CPB1: variants seen among roughly 807,000 people sequenced by gnomAD.
The protein encoded by CPB1 is carboxypeptidase B.
Under a neutral mutation model 51.4 loss-of-function variants are expected in CPB1, and 53 were observed. That is an observed-to-expected ratio of 1.03 (90% confidence interval 0.83 to 1.30). The LOEUF is 1.30. Ranked by LOEUF, CPB1 falls within the 50% of genes most tolerant of loss-of-function variation. The pLI is 0.00. For synonymous variants in CPB1, 189 were observed against 186.9 expected, an observed-to-expected ratio of 1.01 and a Z score of -0.09; for missense variants, 494 against 516.2, an observed-to-expected ratio of 0.96 and a Z score of 0.42.
intron 9 of CPB1, among the ~76,000 whole-genome samples, chr3:148,847,703 A>G (rs557035399): frequency 1.6e-4 from 24 of 152,266 alleles, no homozygotes; most frequent in African/African-American, 5.5e-4. Flanking sequence ...CCGAAGTAAA[A>G]TGTTCATAAT....
intron 2 of CPB1, among the ~76,000 whole-genome samples, chr3:148,831,315 C>CCAG (rs1343140025): frequency 2.0e-5 from 3 of 152,118 alleles, no homozygotes; most frequent in Admixed American, 2.0e-4. Context: ...ATCATTCCTA[C>CCAG]TGTACCAGTA....
At chr3:148,830,617 C>T (rs1479624070) in intron 2 of CPB1, among the ~76,000 whole-genome samples, 1 of 152,138 alleles carries the variant, frequency 6.6e-6, no homozygotes, top group East Asian at 1.9e-4. Flanking sequence ...CTAGTATAAT[C>T]AATCACCTAT....
At chr3:148,846,820 T>TAC (rs1323866330) in intron 9 of CPB1, among the ~76,000 whole-genome samples, 2 of 106,548 alleles carry the variant, frequency 1.9e-5, no homozygotes, top group Non-Finnish European at 3.8e-5. Context: ...TATATATATA[T>TAC]ATATATATAT....
At chr3:148,857,301 G>A (rs1485518129) in intron 9 of CPB1, 156 bp from the exon 10 acceptor site, 2 of 579,964 alleles carry the variant, frequency 3.4e-6, no homozygotes, top group Non-Finnish European at 6.1e-6. Flanking sequence ...CATATCACTA[G>A]GTTAAGTAGA....
chr3:148,837,726 G>A (rs1269521034), intron 3 of CPB1, among the ~76,000 whole-genome samples: 1 of 151,748 alleles, frequency 6.6e-6, no homozygotes, highest in Non-Finnish European at 1.5e-5. Context: ...CCGCCTTCAA[G>A]CAGAAGTCAG....
intron 9 of CPB1, among the ~76,000 whole-genome samples, chr3:148,853,912 T>A (rs1219848272): frequency 6.6e-6 from 1 of 152,158 alleles, no homozygotes; most frequent in East Asian, 1.9e-4. Flanking sequence ...TTGTAAAGCT[T>A]AAGTTTTTAT....
rs192744958 is a variant in CPB1 at position 148,839,050 on chromosome 3, T to C, written c.273-1636T>C. On this transcript the variant is annotated intron_variant, in intron 3 of 10. Coordinates refer to ENST00000282957, the MANE Select transcript of CPB1 (RefSeq NM_001871.3). Reference sequence around the variant, plus strand: ...AAAGGAATTTAGGTTATAGATGGAATTAAGGTTCCTAATCAGCTGATGTTA... The same window carrying C: ...AAAGGAATTTAGGTTATAGATGGAACTAAGGTTCCTAATCAGCTGATGTTA... Among the ~76,000 whole-genome samples the C allele has an allele frequency of 5.3e-5, 8 of 152,316 alleles. No homozygotes were observed. In the East Asian group the frequency reaches 1.5e-3, roughly 29 times the overall value.
intron 9 of CPB1, chr3:148,857,062 G>GTTTTTTTGC (rs750155151): frequency 1.0e-4 from 5 of 48,186 alleles, no homozygotes; most frequent in African/African-American, 4.9e-4. Context: ...ATTGCCAAGT[G>GTTTTTTTGC]TTTTTTTTTT....
At chr3:148,846,333 T>C (rs936839937) in intron 9 of CPB1, among the ~76,000 whole-genome samples, 2 of 152,154 alleles carry the variant, frequency 1.3e-5, no homozygotes, top group African/African-American at 4.8e-5. Context: ...TAAATAAGCA[T>C]GTTTGAACCT....
intron 10 of CPB1, among the ~76,000 whole-genome samples, chr3:148,858,006 C>A (rs1713634384): frequency 6.6e-6 from 1 of 150,890 alleles, no homozygotes; most frequent in East Asian, 1.9e-4. Context: ...TTACTAGGCA[C>A]TAAGAGAACA....
intron 9 of CPB1, among the ~76,000 whole-genome samples, chr3:148,848,276 A>G (rs1187175797): frequency 6.6e-6 from 1 of 152,158 alleles, no homozygotes; most frequent in Non-Finnish European, 1.5e-5. Flanking sequence ...TCAAGGGGAA[A>G]AAAATGTCTT....
At chr3:148,833,644 G>A in intron 2 of CPB1, among the ~76,000 whole-genome samples, 1 of 151,928 alleles carries the variant, frequency 6.6e-6, no homozygotes, top group Non-Finnish European at 1.5e-5. Context: ...CTCGGCACAA[G>A]CAAGGAAGAG....
At chr3:148,829,124 C>T (rs1484043450) in intron 2 of CPB1, among the ~76,000 whole-genome samples, 2 of 152,142 alleles carry the variant, frequency 1.3e-5, no homozygotes, top group Non-Finnish European at 2.9e-5. Context: ...TAACTTTGAC[C>T]TGTTGGGCTT....
intron 9 of CPB1, among the ~76,000 whole-genome samples, chr3:148,846,502 GC>G (rs1713243965): frequency 6.6e-6 from 1 of 151,232 alleles, no homozygotes; most frequent in South Asian, 2.1e-4. Context: ...TTACCTAAAT[GC>G]ATAAATTTGA....
At chr3:148,851,395 GAAAA>G in intron 9 of CPB1, 1 of 132,600 alleles carries the variant, frequency 7.5e-6, no homozygotes, top group South Asian at 2.5e-4. Context: ...AAGAAAGAAA[GAAAA>G]AGAGAAAGAA....
intron 3 of CPB1, among the ~76,000 whole-genome samples, chr3:148,839,939 TAC>T (rs112650920): frequency 6.0e-4 from 84 of 140,456 alleles, no homozygotes; most frequent in African/African-American, 1.9e-3. Context: ...CACACACACA[TAC>T]ACACACACAC....
At chr3:148,857,020 T>A (rs1713583977) in intron 9 of CPB1, 1 of 162,404 alleles carries the variant, frequency 6.2e-6, no homozygotes, top group Non-Finnish European at 1.3e-5. Context: ...CACAACCCTA[T>A]TGTAACTTAA....
intron 2 of CPB1, 137 bp from the exon 3 acceptor site, chr3:148,834,361 A>G: frequency 1.2e-6 from 1 of 853,722 alleles, no homozygotes; most frequent in Non-Finnish European, 1.9e-6. Context: ...TTGTTCACTC[A>G]AAGGAAATAT....
chr3:148,842,349 T>G (rs1713111477), intron 6 of CPB1, among the ~76,000 whole-genome samples: 1 of 152,252 alleles, frequency 6.6e-6, no homozygotes, highest in Non-Finnish European at 1.5e-5. Flanking sequence ...TAAACCAATT[T>G]GATCATTATC....
Sources: gnomAD v4.1 joint callset for allele counts (sites outside exome capture counted in the v4.1 genomes callset) on GRCh38, gnomAD v4.1.1 for gene constraint, MANE v1.5 for transcripts, NCBI Gene and HGNC (gene_info 2026-07-23, HGNC 2026-07-21) for gene names.